The following TMTC2 variants were observed in gnomAD, a reference collection of about 807,000 sequenced individuals.
The protein encoded by TMTC2 is protein O-mannosyl-transferase TMTC2.
Under a neutral mutation model 82.4 loss-of-function variants are expected in TMTC2, and 43 were observed. That is an observed-to-expected ratio of 0.52 (90% CI 0.41 to 0.67). The LOEUF (loss-of-function observed/expected upper bound fraction) is 0.67. Ranked by LOEUF, TMTC2 falls within the 30% of genes least tolerant of loss-of-function variation. The pLI is 0.00. For missense variants in TMTC2, 919 were observed against 1,012.4 expected, an observed-to-expected ratio of 0.91 and a Z score of 1.25; for synonymous variants, 408 against 381.9, an observed-to-expected ratio of 1.07 and a Z score of -0.80.
intron 9 of TMTC2, among the ~76,000 whole-genome samples, chr12:83,043,895 A>G (rs918001536): frequency 2.6e-5 from 4 of 152,228 alleles, no homozygotes; most frequent in Non-Finnish European, 4.4e-5. Flanking sequence ...TATAATAGGT[A>G]TTAGTAGACA....
chr12:82,813,679 C>T (rs1484212016), intron 1 of TMTC2, among the ~76,000 whole-genome samples: 8 of 152,126 alleles, frequency 5.3e-5, no homozygotes, highest in Non-Finnish European at 8.8e-5. Flanking sequence ...TTCTTGCCTA[C>T]CCTCCCTACC....
chr12:83,040,059 C>A (rs962748696), intron 9 of TMTC2, among the ~76,000 whole-genome samples: 1 of 152,234 alleles, frequency 6.6e-6, no homozygotes, highest in Non-Finnish European at 1.5e-5. Flanking sequence ...CCTGACCAAG[C>A]ACTGGGCACT....
intron 1 of TMTC2, among the ~76,000 whole-genome samples, chr12:82,714,103 T>C (rs1235529510): frequency 1.3e-5 from 2 of 152,220 alleles, no homozygotes; most frequent in Non-Finnish European, 2.9e-5. Flanking sequence ...GGTGGGATAT[T>C]GTGTAATTCC....
Position 82,870,291 on chromosome 12 carries a change from C to A in TMTC2, c.654+12711C>A, listed in dbSNP as rs1208951031. Among the ~76,000 whole-genome samples, 10 of 152,238 alleles carry A rather than the reference C, an allele frequency of 6.6e-5. No homozygotes were observed. The East Asian group carries it at 1.7e-3, about 26-fold the overall frequency. On this transcript the variant is annotated intron_variant, in intron 2 of 11. Transcript: ENST00000321196. ...GTCTCCTTATTTGCATTTTGTCATC[C>A]TAGTGCTCCAGCTTGATTTCAGCTC...
chr12:83,081,895 C>T (rs1287107441), intron 11 of TMTC2, among the ~76,000 whole-genome samples: 1 of 151,968 alleles, frequency 6.6e-6, no homozygotes, highest in Non-Finnish European at 1.5e-5. Flanking sequence ...AAAAAATAGC[C>T]AGGTGTGGTG....
At chr12:82,978,611 T>G (rs1255311179) in intron 7 of TMTC2, among the ~76,000 whole-genome samples, 1 of 151,804 alleles carries the variant, frequency 6.6e-6, no homozygotes, top group African/African-American at 2.4e-5. Flanking sequence ...GCATAATATG[T>G]GGTCTATTCT....
chr12:82,785,893 G>GTT (rs1432209875), intron 1 of TMTC2, among the ~76,000 whole-genome samples: 1 of 152,114 alleles, frequency 6.6e-6, no homozygotes, highest in Admixed American at 6.6e-5. Flanking sequence ...CTGGGTAGAA[G>GTT]TTTATGTCAC....
At chr12:82,692,019 C>A (rs1872600171) in intron 1 of TMTC2, among the ~76,000 whole-genome samples, 1 of 152,126 alleles carries the variant, frequency 6.6e-6, no homozygotes, top group African/African-American at 2.4e-5. Context: ...GGAAAAAGTT[C>A]ATTTTGCTGT....
chr12:83,120,444 G>A (rs1301507296), intron 11 of TMTC2, among the ~76,000 whole-genome samples: 2 of 152,212 alleles, frequency 1.3e-5, no homozygotes, highest in African/African-American at 4.8e-5. Flanking sequence ...ATTCTTAGCT[G>A]AGAATTGTTT....
At chr12:83,122,495 T>A (rs1295781395) in intron 11 of TMTC2, among the ~76,000 whole-genome samples, 1 of 152,130 alleles carries the variant, frequency 6.6e-6, no homozygotes, top group East Asian at 1.9e-4. Context: ...CAGAGCTTTT[T>A]TCCGCTGCTT....
intron 8 of TMTC2, among the ~76,000 whole-genome samples, chr12:83,001,882 G>C (rs907282182): frequency 3.3e-5 from 5 of 151,926 alleles, no homozygotes; most frequent in African/African-American, 1.2e-4. Context: ...TTGATAGATC[G>C]TAGCTAGATT....
In TMTC2 at chr12:82,896,445, A is replaced by G. The variant is rs1873691951; in HGVS notation, c.1282A>G (p.Ser428Gly). ...VIAERVLYIP[S>G]MGFCLLITVG... Reference sequence around the variant, plus strand: ...TGCAGAGCGAGTATTATATATTCCTAGTATGGGCTTCTGCCTACTGATTAC... The same window carrying G: ...TGCAGAGCGAGTATTATATATTCCTGGTATGGGCTTCTGCCTACTGATTAC... The change falls in exon 3 of 12, where the codon AGT (serine) becomes GGT (glycine). Residue 428 changes from serine (S) to glycine (G), a missense_variant. Transcript: ENST00000321196. 1 of 1,614,032 alleles carries G rather than the reference A, an allele frequency of 6.2e-7. No homozygotes were observed. The highest frequency in any genetic ancestry group is 1.3e-5 in the African/African-American group (1 of 74,906).
rs185212516 is a variant in TMTC2, at chr12:82,967,621, G to A, written c.1948+624G>A. ...TGCCTTGTAGTAAATTGTTACTACA[G>A]CTGTTTGATGATGGTTACCCCTGCA... is the stretch of plus-strand genomic sequence containing the variant. On this transcript the variant is annotated intron_variant, in intron 7 of 11. Coordinates refer to ENST00000321196, the MANE Select transcript of TMTC2 (RefSeq NM_152588.3). Among the ~76,000 whole-genome samples the A allele has an allele frequency of 3.2e-3, 485 of 152,058 alleles. 1 individual carries two copies. The highest frequency in any genetic ancestry group is 4.4e-3 in the Non-Finnish European group (302 of 67,940).
chr12:82,836,379 C>T (rs1870041851), intron 1 of TMTC2, among the ~76,000 whole-genome samples: 1 of 152,136 alleles, frequency 6.6e-6, no homozygotes, highest in Non-Finnish European at 1.5e-5. Context: ...CCAGTGCATT[C>T]ACAAAGATCC....
intron 8 of TMTC2, among the ~76,000 whole-genome samples, chr12:83,020,592 A>G (rs906038501): frequency 2.6e-5 from 4 of 152,306 alleles, no homozygotes; most frequent in African/African-American, 9.6e-5. Context: ...GTTTTCATCA[A>G]CTGAGATTAT....
chr12:82,905,801 C>T (rs954001072), intron 3 of TMTC2, among the ~76,000 whole-genome samples: 4 of 151,870 alleles, frequency 2.6e-5, no homozygotes, highest in East Asian at 3.9e-4. Flanking sequence ...AAAAATTAGC[C>T]GGGCATGGTG....
chr12:83,013,934 A>G (rs1197772412), intron 8 of TMTC2, among the ~76,000 whole-genome samples: 1 of 152,118 alleles, frequency 6.6e-6, no homozygotes, highest in Non-Finnish European at 1.5e-5. Context: ...TATATACATG[A>G]GTTTTCCAGT....
intron 9 of TMTC2, among the ~76,000 whole-genome samples, chr12:83,032,748 A>G (rs1323810347): frequency 6.6e-6 from 1 of 151,848 alleles, no homozygotes; most frequent in Non-Finnish European, 1.5e-5. Flanking sequence ...TTTAGTAGAG[A>G]TAGGGTTTCA....
At chr12:82,734,030 A>C (rs1432826249) in intron 1 of TMTC2, among the ~76,000 whole-genome samples, 1 of 152,166 alleles carries the variant, frequency 6.6e-6, no homozygotes, top group African/African-American at 2.4e-5. Context: ...GAATTCATTC[A>C]TGTCTTCAGT....
Sources: gnomAD v4.1 joint callset for allele counts (sites outside exome capture counted in the v4.1 genomes callset) on GRCh38, gnomAD v4.1.1 for gene constraint, MANE v1.5 for transcripts, NCBI Gene and HGNC (gene_info 2026-07-23, HGNC 2026-07-21) for gene names.